Variants in UGT1A6 observed in about 807,000 individuals in gnomAD.
The protein encoded by UGT1A6 is UDP glucuronosyltransferase family 1 member A6.
A neutral mutation model predicts 44.4 loss-of-function variants in UGT1A6; 32 were observed. That is an observed-to-expected ratio of 0.72 (90% CI 0.54 to 0.97). UGT1A6 has a LOEUF of 0.97. UGT1A6 is among the 50% of genes least tolerant of loss of function. The pLI is 0.00. For missense variants in UGT1A6, 685 were observed against 661.9 expected (o/e 1.03, Z -0.38); for synonymous variants, 238 against 248.5 (o/e 0.96, Z 0.40).
chr2:233,752,750 C>G (rs1270384572), intron 1 of UGT1A6, among the ~76,000 whole-genome samples: 1 of 151,980 alleles, frequency 6.6e-6, no homozygotes, highest in African/African-American at 2.4e-5. Flanking sequence ...GTCTCTAAAA[C>G]AAACAAACAA....
upstream of UGT1A6, chr2:233,692,854 T>C (rs571815189): frequency 2.0e-6 from 3 of 1,463,420 alleles, no homozygotes; most frequent in African/African-American, 2.8e-5. Context: ...TTAATTTGGG[T>C]TCTTACATAT....
intron 1 of UGT1A6, among the ~76,000 whole-genome samples, chr2:233,764,664 G>A (rs1266153786): frequency 6.6e-6 from 1 of 152,094 alleles, no homozygotes; most frequent in African/African-American, 2.4e-5. Flanking sequence ...ATTTACCAAC[G>A]CTCAGAAGAA....
intron 1 of UGT1A6, among the ~76,000 whole-genome samples, chr2:233,720,012 A>G (rs1319235409): frequency 1.3e-5 from 2 of 152,206 alleles, no homozygotes; most frequent in East Asian, 1.9e-4. Context: ...GAACTGATCC[A>G]TCCTGGGGTT....
At chr2:233,768,516 G>T in intron 4 of UGT1A6, 77 bp downstream of exon 4, 22 of 1,549,322 alleles carry the variant, frequency 1.4e-5, no homozygotes, top group Non-Finnish European at 1.9e-5. Context: ...AAACATTTAC[G>T]TAGCATTTAA....
intron 1 of UGT1A6, among the ~76,000 whole-genome samples, chr2:233,733,964 G>T (rs1371288114): frequency 2.0e-5 from 3 of 152,056 alleles, no homozygotes; most frequent in Admixed American, 1.3e-4. Flanking sequence ...TGTGGGGTAG[G>T]GGGAGCGGGG....
chr2:233,760,336 C>A (rs1472715638), intron 1 of UGT1A6: 1 of 1,614,048 alleles, frequency 6.2e-7, no homozygotes. Context: ...GGGCCTGCTG[C>A]TGTGTGTGCT....
rs749289002 is a variant in UGT1A6 at position 233,695,367 on chromosome 2, G to A, written c.861+1502G>A. On this transcript the variant is annotated intron_variant, in intron 1 of 4. Coordinates refer to ENST00000305139, the MANE Select transcript of UGT1A6 (RefSeq NM_001072.4). ...TCTCAATCTCTTGACCTCGTGGTCC[G>A]CCCACCCCAGCCTCCCAAAGTGCTG... Among the ~76,000 whole-genome samples the A allele has an allele frequency of 5.3e-5, 8 of 151,428 alleles. No individual in the cohort carries two copies. In the South Asian group the frequency reaches 1.2e-3, roughly 24 times the overall value.
chr2:233,756,324 A>G lies in UGT1A6; in HGVS notation c.862-10710A>G, dbSNP rs548800161. On this transcript the variant is annotated intron_variant, in intron 1 of 4. Coordinates refer to ENST00000305139, the MANE Select transcript of UGT1A6 (RefSeq NM_001072.4). The stretch of plus-strand genomic sequence containing the variant: ...ATAACCTACCCATATCCTCCTTTAA[A>G]CCTCTAGTCATCTCTTGATTACTTT... 5.1e-4 allele frequency: 77 copies of G among 152,086 alleles called. 1 individual carries two copies. Among genetic ancestry groups the G allele is most frequent in the Middle Eastern group, 3.4e-3 (1 of 294 alleles). 9.4% of individuals were successfully genotyped at this position (152,086 alleles called of 1,614,324 possible).
chr2:233,754,665 AT>A (rs752229414), intron 1 of UGT1A6: 3 of 465,408 alleles, frequency 6.4e-6, no homozygotes, highest in South Asian at 1.5e-5. Flanking sequence ...CTTGGTGGTG[AT>A]TTTTTTACCA....
At chr2:233,747,651 G>T (rs566750548) in intron 1 of UGT1A6, 4 of 1,588,612 alleles carry the variant, frequency 2.5e-6, no homozygotes, top group African/African-American at 2.7e-5. Flanking sequence ...TACTTCCTTC[G>T]ATGTGGTTTT....
At chr2:233,753,801 T>C (rs1243795738) in intron 1 of UGT1A6, 1 of 152,208 alleles carries the variant, frequency 6.6e-6, no homozygotes, top group Admixed American at 6.5e-5. Context: ...GGACCTACCA[T>C]AGTTGGAGAA....
intron 1 of UGT1A6, among the ~76,000 whole-genome samples, chr2:233,757,480 T>G (rs935196749): frequency 1.4e-5 from 2 of 146,296 alleles, no homozygotes; most frequent in African/African-American, 5.1e-5. Context: ...TCCAAAACCA[T>G]GGACTGGCAC....
intron 1 of UGT1A6, chr2:233,747,336 G>A (rs1693629813): frequency 6.2e-7 from 1 of 1,603,524 alleles, no homozygotes; most frequent in Admixed American, 1.7e-5. Flanking sequence ...GCAGCCACTG[G>A]CTCGCATGCG....
At chr2:233,747,962 C>G (rs780665543) in intron 1 of UGT1A6, 4 of 1,613,470 alleles carry the variant, frequency 2.5e-6, no homozygotes, top group Non-Finnish European at 2.5e-6. Context: ...ATCTTCTCAG[C>G]CATGCATCTG....
At chr2:233,710,204 G>A (rs2076118608) in intron 1 of UGT1A6, among the ~76,000 whole-genome samples, 1 of 152,110 alleles carries the variant, frequency 6.6e-6, no homozygotes, top group Non-Finnish European at 1.5e-5. Context: ...TCCAGTTGTT[G>A]GCTATTATGA....
chr2:233,757,967 C>T (rs187620660), intron 1 of UGT1A6, among the ~76,000 whole-genome samples: 98 of 152,288 alleles, frequency 6.4e-4, no homozygotes, highest in African/African-American at 2.2e-3. Flanking sequence ...TGTGATTTCT[C>T]AGCCCCTAGA....
At chr2:233,748,187 T>C (rs919383057) in intron 1 of UGT1A6, 2 of 1,565,066 alleles carry the variant, frequency 1.3e-6, no homozygotes, top group African/African-American at 2.7e-5. Flanking sequence ...GGTGCTTTTA[T>C]TTCTGCTTGT....
At chr2:233,772,069 T>A (rs2126064958) in intron 4 of UGT1A6, among the ~76,000 whole-genome samples, 193 bp from the exon 5 acceptor site, 1 of 152,274 alleles carries the variant, frequency 6.6e-6, no homozygotes, top group East Asian at 1.9e-4. Context: ...GCCATGCTTG[T>A]GCCACTACAC....
chr2:233,766,585 G>A (rs1016585528), intron 1 of UGT1A6, among the ~76,000 whole-genome samples: 22 of 152,180 alleles, frequency 1.4e-4, no homozygotes, highest in African/African-American at 5.3e-4. Flanking sequence ...TGGGGGTGGA[G>A]CCCTCGCCAG....
Sources: gnomAD v4.1 joint callset for allele counts (sites outside exome capture counted in the v4.1 genomes callset) on GRCh38, gnomAD v4.1.1 for gene constraint, MANE v1.5 for transcripts, NCBI Gene and HGNC (gene_info 2026-07-23, HGNC 2026-07-21) for gene names.